Variants in ZRANB3 observed in about 807,000 individuals in gnomAD.
ZRANB3 encodes the protein DNA annealing helicase and endonuclease ZRANB3.
A neutral mutation model predicts 133.8 loss-of-function variants in ZRANB3; 125 were observed. The ratio of observed to expected loss-of-function variants is 0.93; its 90% CI spans 0.81 to 1.08. The LOEUF (loss-of-function observed/expected upper bound fraction) is 1.08, where lower values mean the gene tolerates loss of function less well. Among genes scored for constraint, ZRANB3 ranks in the 50% least tolerant of loss-of-function variants. The pLI is 0.00. For synonymous variants in ZRANB3, 387 were observed against 432.7 expected (o/e 0.89, Z 1.31); for missense variants, 1,229 against 1,275.5 (o/e 0.96, Z 0.56).
chr2:135,448,750 C>G (rs1690138478), intron 2 of ZRANB3, among the ~76,000 whole-genome samples: 1 of 152,040 alleles, frequency 6.6e-6, no homozygotes, highest in Non-Finnish European at 1.5e-5. Context: ...CAAAAGAGCT[C>G]ACAAAAAAAC....
rs150647959 is a variant in ZRANB3, at chr2:135,240,304, C to T, written c.1540-9377G>A. On this transcript the variant is annotated intron_variant, in intron 12 of 20. Transcript: ENST00000264159. ...ACCAGTCTGGGCAACATGGCAAGAC[C>T]CTGTCTCTTAAAAACAAAATGGTAA... Among the ~76,000 whole-genome samples, 220 of 152,196 alleles carry T rather than the reference C, an allele frequency of 1.4e-3. 1 individual carries two copies. The highest frequency in any genetic ancestry group is 5.1e-3 in the African/African-American group (212 of 41,514).
chr2:135,330,254 T>A (rs1375557106), intron 6 of ZRANB3, among the ~76,000 whole-genome samples: 2 of 152,196 alleles, frequency 1.3e-5, no homozygotes, highest in Non-Finnish European at 2.9e-5. Flanking sequence ...AGTTACAGTT[T>A]TTGGCATGAA....
At chr2:135,203,049 T>A in intron 19 of ZRANB3, 86 bp from the exon 20 acceptor site, 1 of 1,478,768 alleles carries the variant, frequency 6.8e-7, no homozygotes, top group Non-Finnish European at 9.2e-7. Flanking sequence ...CATGTATGTT[T>A]ATACAGGAAA....
intron 2 of ZRANB3, among the ~76,000 whole-genome samples, chr2:135,480,551 T>C (rs920132612): frequency 1.3e-5 from 2 of 152,144 alleles, no homozygotes; most frequent in East Asian, 1.9e-4. Context: ...AAAATTACTA[T>C]GAAATCTTCT....
At chr2:135,492,095 G>A (rs1692409512) in intron 2 of ZRANB3, among the ~76,000 whole-genome samples, 1 of 151,774 alleles carries the variant, frequency 6.6e-6, no homozygotes, top group African/African-American at 2.4e-5. Flanking sequence ...AGGAAAACAT[G>A]GATTATATAA....
At chr2:135,372,786 CAAA>C (rs536156455) in intron 3 of ZRANB3, among the ~76,000 whole-genome samples, 6 of 53,778 alleles carry the variant, frequency 1.1e-4, no homozygotes, top group Non-Finnish European at 1.2e-4. Flanking sequence ...GACTCCATCT[CAAA>C]AAAAAAAAAA....
chr2:135,200,506 A>C (rs935809836), intron 20 of ZRANB3, 66 bp from the exon 21 acceptor site: 1 of 1,323,490 alleles, frequency 7.6e-7, no homozygotes, highest in African/African-American at 1.5e-5. Context: ...AAGCTCAAAA[A>C]CTCTTTATAT....
chr2:135,420,091 TTATATATATATATATATATATATA>T (rs201217358), intron 2 of ZRANB3, among the ~76,000 whole-genome samples: 2 of 72,484 alleles, frequency 2.8e-5, no homozygotes, highest in African/African-American at 7.7e-5. Context: ...TATCTTAGAT[TTATATATATATATATATATATATA>T]TATATATATA....
At chr2:135,270,190 C>A (rs961866727) in intron 10 of ZRANB3, among the ~76,000 whole-genome samples, 6 of 151,906 alleles carry the variant, frequency 3.9e-5, no homozygotes, top group Admixed American at 3.9e-4. Flanking sequence ...GAAAATGCCA[C>A]AGAATATTAG....
chr2:135,459,348 T>C (rs1210954705), intron 2 of ZRANB3, among the ~76,000 whole-genome samples: 1 of 152,234 alleles, frequency 6.6e-6, no homozygotes. Flanking sequence ...TTTAATACAC[T>C]TTCAGCTTAC....
intron 3 of ZRANB3, among the ~76,000 whole-genome samples, chr2:135,362,540 T>C (rs994686046): frequency 6.6e-6 from 1 of 152,162 alleles, no homozygotes; most frequent in Non-Finnish European, 1.5e-5. Context: ...AGAACTTAAG[T>C]AGAGTTGTAG....
At chr2:135,307,106 G>A (rs1458191255) in intron 8 of ZRANB3, among the ~76,000 whole-genome samples, 1 of 151,888 alleles carries the variant, frequency 6.6e-6, no homozygotes, top group Non-Finnish European at 1.5e-5. Flanking sequence ...TTACTCTGTT[G>A]TCCAGGCTGG....
At chr2:135,510,431 T>G (rs1693402054) in intron 1 of ZRANB3, 1 of 420,402 alleles carries the variant, frequency 2.4e-6, no homozygotes, top group Non-Finnish European at 4.3e-6. Flanking sequence ...TTATACTAAC[T>G]TAAGCAGTTT....
intron 1 of ZRANB3, among the ~76,000 whole-genome samples, chr2:135,510,020 T>C (rs945587525): frequency 4.6e-5 from 7 of 152,188 alleles, no homozygotes; most frequent in African/African-American, 1.4e-4. Flanking sequence ...AGAATCAAAA[T>C]TGTCAAATTT....
chr2:135,352,224 C>T (rs930608473), intron 4 of ZRANB3, among the ~76,000 whole-genome samples: 38 of 151,124 alleles, frequency 2.5e-4, no homozygotes, highest in Admixed American at 1.1e-3. Flanking sequence ...CCCAGCTACT[C>T]GGGAGGCTGA....
chr2:135,396,131 AC>A (rs948343024), intron 2 of ZRANB3, among the ~76,000 whole-genome samples: 12 of 152,194 alleles, frequency 7.9e-5, no homozygotes, highest in African/African-American at 2.9e-4. Context: ...ATATCATCTC[AC>A]CCCAGTTAAA....
intron 8 of ZRANB3, among the ~76,000 whole-genome samples, chr2:135,280,249 TGAA>T (rs1426531395): frequency 5.9e-5 from 9 of 152,206 alleles, no homozygotes; most frequent in Admixed American, 4.6e-4. Context: ...AAGTAATTAA[TGAA>T]GACTATACAT....
At chr2:135,383,247 G>A (rs1373699708) in intron 3 of ZRANB3, among the ~76,000 whole-genome samples, 1 of 151,222 alleles carries the variant, frequency 6.6e-6, no homozygotes, top group African/African-American at 2.5e-5. Context: ...AAGAGACAAA[G>A]AAGGTCATTA....
chr2:135,403,250 C>A (rs1412065124), intron 2 of ZRANB3, among the ~76,000 whole-genome samples: 2 of 152,172 alleles, frequency 1.3e-5, no homozygotes, highest in East Asian at 1.9e-4. Flanking sequence ...AGGTCCCTCC[C>A]ACCCTAATAC....
Sources: allele counts gnomAD v4.1 joint callset (sites outside exome capture counted in the v4.1 genomes callset), GRCh38; gene constraint gnomAD v4.1.1; transcripts MANE v1.5; gene names NCBI Gene and HGNC (gene_info 2026-07-23, HGNC 2026-07-21).